SLC15A1: variants seen among roughly 807,000 people sequenced by gnomAD.
SLC15A1 encodes the protein solute carrier family 15 member 1.
A neutral mutation model predicts 92.9 loss-of-function variants in SLC15A1; 83 were observed. That is an observed-to-expected ratio of 0.89 (90% CI 0.75 to 1.07). The LOEUF is 1.07. Ranked by LOEUF, SLC15A1 falls within the 50% of genes least tolerant of loss-of-function variation. The probability of loss-of-function intolerance (pLI) is 0.00; values close to 1 mark genes in which losing one functional copy is unlikely to be tolerated. For missense variants in SLC15A1, 857 were observed against 880.1 expected, an observed-to-expected ratio of 0.97 and a Z score of 0.33; for synonymous variants, 322 against 318.2, an observed-to-expected ratio of 1.01 and a Z score of -0.13.
rs139322782 is a variant in SLC15A1 at position 98,688,166 on chromosome 13, A to T, written c.1683+82T>A. The T allele has an allele frequency of 3.3e-6, 3 of 910,546 alleles. No individual in the cohort carries two copies. In the African/African-American group the frequency reaches 5.0e-5, roughly 15 times the overall value. The allele number at this position is 910,546 out of a possible 1,614,324, so 56.4% of individuals were successfully genotyped here. A position where few individuals can be genotyped will look rare whatever the true frequency, so the allele number is the denominator to read the frequency against. On this transcript the variant is annotated intron_variant, in intron 20 of 22. Transcript: ENST00000376503. ...ATCCTAATATCACTCTAGTTAAATC[A>T]TATTATGTCCTAAGTGTTTGTGAGT...
chr13:98,738,629 C>T (rs2139606837), intron 1 of SLC15A1, among the ~76,000 whole-genome samples: 1 of 152,348 alleles, frequency 6.6e-6, no homozygotes, highest in Admixed American at 6.5e-5. Flanking sequence ...TGCAGGCGCA[C>T]AGACTGCAAA....
chr13:98,686,768 T>C (rs2087932210), intron 21 of SLC15A1, among the ~76,000 whole-genome samples: 1 of 152,170 alleles, frequency 6.6e-6, no homozygotes, highest in African/African-American at 2.4e-5. Flanking sequence ...ATTTTCTGAC[T>C]CATCTTGGCC....
chr13:98,685,057 C>A (rs1364553353), intron 22 of SLC15A1, 142 bp from the exon 23 acceptor site: 46 of 725,108 alleles, frequency 6.3e-5, no homozygotes, highest in Non-Finnish European at 9.3e-5. Flanking sequence ...GGTAAGCAAC[C>A]AATACAGATA....
At chr13:98,702,804 C>T (rs1281958200) in intron 17 of SLC15A1, among the ~76,000 whole-genome samples, 1 of 151,460 alleles carries the variant, frequency 6.6e-6, no homozygotes, top group African/African-American at 2.4e-5. Context: ...AGAAATTAGC[C>T]AGGTGTGGTG....
intron 1 of SLC15A1, among the ~76,000 whole-genome samples, chr13:98,741,603 A>G (rs546167560): frequency 2.6e-5 from 4 of 152,024 alleles, no homozygotes; most frequent in Non-Finnish European, 5.9e-5. Flanking sequence ...ACATGCCTGT[A>G]ATCCCAGCTA....
At chr13:98,691,068 G>A (rs902914803) in intron 18 of SLC15A1, among the ~76,000 whole-genome samples, 7 of 151,844 alleles carry the variant, frequency 4.6e-5, no homozygotes, top group Non-Finnish European at 1.0e-4. Context: ...TTTTGAGATG[G>A]ATTCTCACCC....
intron 1 of SLC15A1, among the ~76,000 whole-genome samples, chr13:98,749,281 C>G (rs1183324419): frequency 6.6e-6 from 1 of 152,218 alleles, no homozygotes; most frequent in East Asian, 1.9e-4. Context: ...AAAAACCTAT[C>G]AGAATCACAA....
At chr13:98,693,119 C>T (rs1205517308) in intron 18 of SLC15A1, among the ~76,000 whole-genome samples, 11 of 73,340 alleles carry the variant, frequency 1.5e-4, no homozygotes, top group East Asian at 3.9e-4. Flanking sequence ...TTTTTTGAGA[C>T]GGAGTTTCAA....
chr13:98,709,002 C>G lies in SLC15A1; in HGVS notation c.1068-235G>C, dbSNP rs1313321421. Among the ~76,000 whole-genome samples the G allele has an allele frequency of 2.4e-5, 3 of 125,702 alleles. No individual in the cohort carries two copies. In the Admixed American group the frequency reaches 2.7e-4, roughly 11 times the overall value. 82.5% of individuals were successfully genotyped at this position (125,702 alleles called of 152,430 possible). ...TTTTTTTTTGAGACAGAGTCTCTTT[C>G]TGTCACCCCGGCTGGAGTGCAGTGG... On this transcript the variant is annotated intron_variant, in intron 14 of 22. Transcript: ENST00000376503.
chr13:98,685,299 G>T (rs544925595), intron 22 of SLC15A1, among the ~76,000 whole-genome samples: 1 of 152,278 alleles, frequency 6.6e-6, no homozygotes, highest in South Asian at 2.1e-4. Flanking sequence ...CAAGTTAAGA[G>T]CCCCACGTTC....
chr13:98,742,614 G>C (rs1427420163), intron 1 of SLC15A1, among the ~76,000 whole-genome samples: 1 of 149,320 alleles, frequency 6.7e-6, no homozygotes, highest in African/African-American at 2.6e-5. Flanking sequence ...TTCAGAGGAC[G>C]CAAGGGAGAA....
At chr13:98,737,627 G>A (rs1450784164) in intron 1 of SLC15A1, among the ~76,000 whole-genome samples, 1 of 152,116 alleles carries the variant, frequency 6.6e-6, no homozygotes, top group African/African-American at 2.4e-5. Context: ...AGAATCAGAT[G>A]CTGCCATGCT....
intron 5 of SLC15A1, 112 bp downstream of exon 5, chr13:98,723,800 G>C: frequency 6.7e-7 from 1 of 1,481,538 alleles, no homozygotes; most frequent in Non-Finnish European, 9.1e-7. Context: ...CCAAGGGGGA[G>C]GAAAAACCTC....
intron 18 of SLC15A1, among the ~76,000 whole-genome samples, chr13:98,698,226 A>C (rs2088039150): frequency 6.6e-6 from 1 of 152,254 alleles, no homozygotes; most frequent in Non-Finnish European, 1.5e-5. Flanking sequence ...TTTCTCTTGC[A>C]GACTGATCAC....
At chr13:98,700,194 A>G (rs2088055616) in intron 18 of SLC15A1, among the ~76,000 whole-genome samples, 1 of 152,084 alleles carries the variant, frequency 6.6e-6, no homozygotes, top group Non-Finnish European at 1.5e-5. Context: ...TTTGTATTCA[A>G]ATCTTAGTGT....
intron 18 of SLC15A1, 104 bp from the exon 19 acceptor site, chr13:98,688,681 G>GT: frequency 1.3e-6 from 1 of 774,948 alleles, no homozygotes; most frequent in South Asian, 1.6e-5. Flanking sequence ...TTTTGAAGGA[G>GT]TTTAAGATGT....
At chr13:98,750,371 A>C (rs2088534118) in intron 1 of SLC15A1, among the ~76,000 whole-genome samples, 1 of 152,152 alleles carries the variant, frequency 6.6e-6, no homozygotes, top group Non-Finnish European at 1.5e-5. Context: ...TCGGCCTCCC[A>C]AAGTTCTGGG....
chr13:98,730,178 T>C (rs3825429), intron 1 of SLC15A1, among the ~76,000 whole-genome samples: 1 of 140,498 alleles, frequency 7.1e-6, no homozygotes, highest in East Asian at 2.2e-4. Context: ...CCTGGGCAAC[T>C]GAGCGAGACT....
chr13:98,726,725 A>G, intron 2 of SLC15A1, 118 bp downstream of exon 2: 1 of 1,054,220 alleles, frequency 9.5e-7, no homozygotes, highest in Non-Finnish European at 1.5e-6. Flanking sequence ...GAAATCCGGG[A>G]TCATACCCTC....
Sources: allele counts gnomAD v4.1 joint callset (sites outside exome capture counted in the v4.1 genomes callset), GRCh38; gene constraint gnomAD v4.1.1; transcripts MANE v1.5; gene names NCBI Gene and HGNC (gene_info 2026-07-23, HGNC 2026-07-21).